TBCE: variants seen among roughly 807,000 people sequenced by gnomAD.
TBCE encodes the protein tubulin folding cofactor E.
TBCE carries 53 observed loss-of-function variants against 77.0 expected under a neutral mutation model. The ratio of observed to expected loss-of-function variants is 0.69; its 90% CI spans 0.55 to 0.87. TBCE has a LOEUF of 0.87. Among genes scored for constraint, TBCE ranks in the 40% least tolerant of loss-of-function variants. The probability of loss-of-function intolerance (pLI) is 0.00; values close to 1 mark genes in which losing one functional copy is unlikely to be tolerated. For synonymous variants in TBCE, 235 were observed against 241.3 expected (o/e 0.97, Z 0.24); for missense variants, 624 against 622.4 (o/e 1.00, Z -0.03).
At chr1:235,432,916 ATTTT>A (rs747061160) in intron 7 of TBCE, 7 of 807,290 alleles carry the variant, frequency 8.7e-6, no homozygotes, top group Middle Eastern at 4.7e-4. Context: ...ATTTTTTGTA[ATTTT>A]TTTTTTTGTA....
At chr1:235,388,024 C>T (rs969388959) in intron 2 of TBCE, among the ~76,000 whole-genome samples, 1 of 152,194 alleles carries the variant, frequency 6.6e-6, no homozygotes, top group African/African-American at 2.4e-5. Flanking sequence ...TATACCTAAT[C>T]TGTCAAGGGT....
At chr1:235,423,287 G>A (rs1680505664) in intron 5 of TBCE, among the ~76,000 whole-genome samples, 1 of 152,030 alleles carries the variant, frequency 6.6e-6, no homozygotes, top group African/African-American at 2.4e-5. Context: ...CTTTCACGGG[G>A]GCTCCTTGAA....
At chr1:235,441,927 A>G (rs1293366246) in intron 14 of TBCE, 45 bp downstream of exon 14, 2 of 1,545,090 alleles carry the variant, frequency 1.3e-6, no homozygotes, top group East Asian at 2.3e-5. Flanking sequence ...TTGAGTGCTT[A>G]GGTGCTGAAA....
Position 235,441,861 on chromosome 1 carries a change from A to T in TBCE, c.1318A>T (p.Met440Leu). ...DWELKTQQPL[M>L]LKNQLLTLKI... ...GGAACTCAAAACACAGCAACCACTT[A>T]TGCTGAAAAACCAGCTACTAAGTAA... The change falls in exon 14 of 17, where the codon ATG becomes TTG. Residue 440 changes from methionine (M) to leucine (L), a missense_variant. Physicochemically the swap from Met to Leu is conservative, Grantham distance 15 (BLOSUM62 2). Coordinates refer to ENST00000642610, the MANE Select transcript of TBCE (RefSeq NM_003193.5). 1 of 1,614,112 alleles carries T rather than the reference A, an allele frequency of 6.2e-7. No homozygotes were observed. The highest frequency in any genetic ancestry group is 8.5e-7 in the Non-Finnish European group (1 of 1,180,008).
At chr1:235,405,903 GTGAT>G (rs912500123) in intron 3 of TBCE, among the ~76,000 whole-genome samples, 3 of 152,120 alleles carry the variant, frequency 2.0e-5, no homozygotes, top group Non-Finnish European at 2.9e-5. Flanking sequence ...CAGCTCCAGT[GTGAT>G]TATGGGACCA....
Position 235,420,617 on chromosome 1 carries a change from G to C in TBCE, c.460+1056G>C, listed in dbSNP as rs187926214. Among the ~76,000 whole-genome samples the C allele has an allele frequency of 8.9e-4, 136 of 152,008 alleles. 3 individuals are homozygous for C. The East Asian group carries it at 0.025, about 28-fold the overall frequency. On this transcript the variant is annotated intron_variant, in intron 5 of 16. Transcript: ENST00000642610. ...CCTGCCTCAGCCTCCCAAGTAGCTG[G>C]GGCTACAGGCGCCCGCCACCACGCC...
intron 2 of TBCE, among the ~76,000 whole-genome samples, chr1:235,386,659 T>C (rs1278639340): frequency 6.6e-5 from 10 of 152,202 alleles, no homozygotes; most frequent in Non-Finnish European, 8.8e-5. Flanking sequence ...TCAGCTCCTT[T>C]AAGCACTTCT....
intron 3 of TBCE, among the ~76,000 whole-genome samples, chr1:235,402,440 G>A (rs182427761): frequency 6.6e-6 from 1 of 152,116 alleles, no homozygotes; most frequent in African/African-American, 2.4e-5. Flanking sequence ...AGGGTGCTGG[G>A]GAGCCTTCAG....
At chr1:235,390,875 A>C (rs942453767) in intron 2 of TBCE, among the ~76,000 whole-genome samples, 1 of 152,100 alleles carries the variant, frequency 6.6e-6, no homozygotes, top group Non-Finnish European at 1.5e-5. Context: ...TCATGAGCTA[A>C]GGAGTGTGCA....
chr1:235,407,817 A>G (rs937782412), intron 3 of TBCE, among the ~76,000 whole-genome samples: 18 of 152,140 alleles, frequency 1.2e-4, no homozygotes, highest in African/African-American at 4.3e-4. Flanking sequence ...GAGGGGTTCA[A>G]ATATGGTAAG....
At chr1:235,448,487 G>A (rs371655030) in intron 16 of TBCE, 47 bp downstream of exon 16, 77 of 1,558,936 alleles carry the variant, frequency 4.9e-5, no homozygotes, top group African/African-American at 4.1e-4. Flanking sequence ...CTTAGTCCTC[G>A]TATTATGACA....
chr1:235,370,183 A>T (rs892782901), intron 1 of TBCE, among the ~76,000 whole-genome samples: 1 of 149,406 alleles, frequency 6.7e-6, no homozygotes, highest in African/African-American at 2.5e-5. Flanking sequence ...CTGGTTTATT[A>T]TGTTTTCTCT....
chr1:235,437,327 G>A lies in TBCE; in HGVS notation c.969G>A (p.Ser323=), dbSNP rs773193406. Residue 323 remains serine, a synonymous_variant, in exon 12 of 17, where the codon TCG becomes TCA. Transcript: ENST00000642610. ...VVNDNQISQW[S]FFNELEKLPS... ...TTCCTTTTGCTGTGTTTCAGTGGTC[G>A]TTTTTCAATGAGCTAGAGAAGTTAC... 11 of 1,613,944 alleles carry A rather than the reference G, an allele frequency of 6.8e-6. No homozygotes were observed. Among genetic ancestry groups the A allele is most frequent in the South Asian group, 3.3e-5 (3 of 91,078 alleles).
Position 235,419,499 on chromosome 1 carries a change from C to T in TBCE, c.398C>T (p.Ser133Phe), listed in dbSNP as rs1334603817. ...QSQLSKLQEV[S>F]LRNCAVSCAG... ...CAGCTGAGCAAGTTGCAAGAAGTTT[C>T]TCTGAGGAACTGTGCAGTAAGTTGT... Residue 133 changes from serine (S) to phenylalanine (F), a missense_variant, in exon 5 of 17, where the codon TCT (serine) becomes TTT (phenylalanine). Ser to Phe is a radical substitution (Grantham distance 155, BLOSUM62 -2). Coordinates refer to ENST00000642610, the MANE Select transcript of TBCE (RefSeq NM_003193.5). The T allele has an allele frequency of 6.2e-7, 1 of 1,614,022 alleles. No homozygotes were observed. The highest frequency in any genetic ancestry group is 8.5e-7 in the Non-Finnish European group (1 of 1,180,020).
intron 13 of TBCE, among the ~76,000 whole-genome samples, chr1:235,440,648 C>T (rs1217357718): frequency 6.6e-6 from 1 of 152,140 alleles, no homozygotes; most frequent in African/African-American, 2.4e-5. Context: ...CCCGCCTCAG[C>T]CTCCCAAAGT....
In TBCE at chr1:235,401,416, C is replaced by T. The variant is rs80020827; in HGVS notation, c.101-87C>T. The T allele has an allele frequency of 1.6e-3, 1,847 of 1,124,456 alleles. 16 individuals are homozygous for T. In the African/African-American group the frequency reaches 0.024, roughly 14 times the overall value. 69.7% of individuals were successfully genotyped at this position (1,124,456 alleles called of 1,614,324 possible). A position where few individuals can be genotyped will look rare whatever the true frequency, so the allele number is the denominator to read the frequency against. On this transcript the variant is annotated intron_variant, in intron 2 of 16. Coordinates refer to ENST00000642610, the MANE Select transcript of TBCE (RefSeq NM_003193.5). Reference sequence around the variant, plus strand: ...AGTGGTATCTGTGTGATATGGTTTCCGCTGCAAATTGGTATTTGCTTGCAG... The same window carrying T: ...AGTGGTATCTGTGTGATATGGTTTCTGCTGCAAATTGGTATTTGCTTGCAG...
chr1:235,411,057 G>A (rs970248979), intron 3 of TBCE, among the ~76,000 whole-genome samples: 1 of 152,152 alleles, frequency 6.6e-6, no homozygotes, highest in African/African-American at 2.4e-5. Flanking sequence ...GAATTAGAAA[G>A]TTTTCCATGA....
intron 6 of TBCE, chr1:235,428,985 A>ATTTTTTTTT (rs35190136): frequency 2.0e-5 from 2 of 102,336 alleles, no homozygotes; most frequent in African/African-American, 4.7e-5. Context: ...ATATATATAT[A>ATTTTTTTTT]TTTTTTTTTT....
chr1:235,438,808 C>T lies in TBCE; in HGVS notation c.1156C>T (p.Arg386Ter), dbSNP rs755798626. 1.1e-5 allele frequency: 18 copies of T among 1,613,920 alleles called. No individual in the cohort carries two copies. Among genetic ancestry groups the T allele is most frequent in the Admixed American group, 1.7e-5 (1 of 59,986 alleles). The change falls in exon 13 of 17, where the codon CGA becomes TGA. Residue 386 changes from arginine (R) to a stop codon, truncating the protein, a stop_gained. Coordinates refer to ENST00000642610, the MANE Select transcript of TBCE (RefSeq NM_003193.5). LOFTEE classifies it high-confidence loss of function. ...GAGGCGGAGAGCTGAGCTTGACTAC[C>T]GAAAAGCTTTTGGAAATGAGTGGAA... The part of the protein sequence containing the change: ...EERRRAELDY[R>*]KAFGNEWKQA...
Sources: gnomAD v4.1 joint callset for allele counts (sites outside exome capture counted in the v4.1 genomes callset) on GRCh38, gnomAD v4.1.1 for gene constraint, MANE v1.5 for transcripts, NCBI Gene and HGNC (gene_info 2026-07-23, HGNC 2026-07-21) for gene names.